The following SKIC3 variants were observed in gnomAD, a reference collection of about 807,000 sequenced individuals.
The protein encoded by SKIC3 is superkiller complex protein 3.
chr5:95,534,057 T>C, the SKIC3 span, among the ~76,000 whole-genome samples: 1 of 152,146 alleles, frequency 6.6e-6, no homozygotes, highest in Admixed American at 6.5e-5. Context: ...CAGCCATTAA[T>C]TTTTCAATAA....
the SKIC3 span, among the ~76,000 whole-genome samples, chr5:95,496,022 T>C: frequency 4.0e-3 from 602 of 151,936 alleles, 4 homozygotes; most frequent in South Asian, 8.1e-3. Context: ...TTCTTTCTTT[T>C]TTTTTTTTTT....
chr5:95,467,857 A>G, the SKIC3 span: 1 of 1,613,486 alleles, frequency 6.2e-7, no homozygotes, highest in Non-Finnish European at 8.5e-7. Context: ...AATAAAATCA[A>G]TGCCTTACGT....
chr5:95,466,528 A>G, the SKIC3 span, among the ~76,000 whole-genome samples: 1 of 152,208 alleles, frequency 6.6e-6, no homozygotes, highest in African/African-American at 2.4e-5. Context: ...TTGAGTTGAG[A>G]TCTCTGAAGA....
chr5:95,477,113 G>A, the SKIC3 span, among the ~76,000 whole-genome samples: 1 of 152,134 alleles, frequency 6.6e-6, no homozygotes, highest in Non-Finnish European at 1.5e-5. Context: ...CAGCTTCTGT[G>A]GCTCACCAGT....
chr5:95,526,975 T>G, the SKIC3 span, among the ~76,000 whole-genome samples: 4 of 152,226 alleles, frequency 2.6e-5, no homozygotes, highest in Non-Finnish European at 4.4e-5. Context: ...CATAGTTGGG[T>G]TCTTAGCATC....
At chr5:95,535,078 C>T in the SKIC3 span, among the ~76,000 whole-genome samples, 26 of 152,196 alleles carry the variant, frequency 1.7e-4, no homozygotes, top group South Asian at 1.9e-3. Flanking sequence ...TCATACTCCT[C>T]GTTCATTCAA....
the SKIC3 span, chr5:95,478,161 T>A: frequency 4.1e-5 from 44 of 1,062,172 alleles, no homozygotes; most frequent in East Asian, 1.1e-3. Context: ...ACAAAGTGTA[T>A]CAAGAAGCCA....
the SKIC3 span, among the ~76,000 whole-genome samples, chr5:95,531,318 G>C: frequency 2.6e-5 from 4 of 152,250 alleles, no homozygotes; most frequent in African/African-American, 9.6e-5. Flanking sequence ...AATGGCTAAA[G>C]AGTTAAAACT....
chr5:95,509,637 C>A, the SKIC3 span: 1 of 1,613,872 alleles, frequency 6.2e-7, no homozygotes, highest in South Asian at 1.1e-5. Flanking sequence ...TGTAGATGTT[C>A]GTTTAAGTAA....
the SKIC3 span, among the ~76,000 whole-genome samples, chr5:95,477,525 A>G: frequency 6.6e-6 from 1 of 152,204 alleles, no homozygotes; most frequent in Non-Finnish European, 1.5e-5. Flanking sequence ...TAATTACAAA[A>G]TAATAAGGAA....
the SKIC3 span, chr5:95,528,276 T>A: frequency 2.6e-6 from 3 of 1,156,554 alleles, no homozygotes; most frequent in Admixed American, 5.6e-5. Context: ...ACAATATACA[T>A]GAAGAATAAC....
the SKIC3 span, among the ~76,000 whole-genome samples, chr5:95,519,827 A>G: frequency 6.6e-6 from 1 of 152,006 alleles, no homozygotes; most frequent in Admixed American, 6.6e-5. Context: ...AGGTACTGTC[A>G]CCCAAAGGTT....
chr5:95,509,562 T>G, the SKIC3 span: 9 of 1,492,150 alleles, frequency 6.0e-6, no homozygotes, highest in Non-Finnish European at 7.5e-6. Flanking sequence ...CTCATCTTCC[T>G]CCTGCATCTA....
the SKIC3 span, among the ~76,000 whole-genome samples, chr5:95,505,113 A>G: frequency 6.6e-6 from 1 of 152,232 alleles, no homozygotes; most frequent in South Asian, 2.1e-4. Context: ...AGGAACTTGT[A>G]TAAGCTCAAC....
At chr5:95,522,010 C>T in the SKIC3 span, 2 of 1,610,106 alleles carry the variant, frequency 1.2e-6, no homozygotes, top group Middle Eastern at 1.7e-4. Flanking sequence ...GGATTTTATA[C>T]TTCAGGATCA....
At chr5:95,480,752 A>G in the SKIC3 span, among the ~76,000 whole-genome samples, 13 of 152,218 alleles carry the variant, frequency 8.5e-5, no homozygotes, top group Non-Finnish European at 1.9e-4. Flanking sequence ...GCCCATCAAC[A>G]GTAAAATGAA....
At chr5:95,545,301 C>T in the SKIC3 span, among the ~76,000 whole-genome samples, 723 of 152,226 alleles carry the variant, frequency 4.7e-3, 3 homozygotes, top group African/African-American at 0.016. Flanking sequence ...AATACTATCA[C>T]GTCCTTGCAT....
At chr5:95,541,832 G>A in the SKIC3 span, 1 of 1,612,052 alleles carries the variant, frequency 6.2e-7, no homozygotes, top group South Asian at 1.1e-5. Flanking sequence ...AAAGATCCAG[G>A]AGCTTTTGGT....
chr5:95,540,483 A>T, the SKIC3 span, among the ~76,000 whole-genome samples: 1 of 152,166 alleles, frequency 6.6e-6, no homozygotes, highest in African/African-American at 2.4e-5. Flanking sequence ...CCATAAAAAG[A>T]AACAAACCCA....
Sources: gnomAD v4.1 joint callset for allele counts (sites outside exome capture counted in the v4.1 genomes callset) on GRCh38, gnomAD v4.1.1 for gene constraint, MANE v1.5 for transcripts, NCBI Gene and HGNC (gene_info 2026-07-23, HGNC 2026-07-21) for gene names.